Variants in CTNNBL1 observed in about 807,000 individuals in gnomAD.
CTNNBL1 encodes catenin beta like 1, also known as beta-catenin-like protein 1.
Under a neutral mutation model 72.7 loss-of-function variants are expected in CTNNBL1, and 31 were observed. The ratio of observed to expected loss-of-function variants is 0.43; its 90% CI spans 0.32 to 0.58. CTNNBL1 has a LOEUF of 0.58. Among genes scored for constraint, CTNNBL1 ranks in the 20% least tolerant of loss-of-function variants. The pLI is 0.08. For synonymous variants in CTNNBL1, 240 were observed against 267.3 expected (o/e 0.90, Z 1.00); for missense variants, 534 against 725.1 (o/e 0.74, Z 3.03).
chr20:37,713,160 C>T (rs1044372226), intron 1 of CTNNBL1, among the ~76,000 whole-genome samples: 1 of 152,174 alleles, frequency 6.6e-6, no homozygotes, highest in Non-Finnish European at 1.5e-5. Flanking sequence ...TCCCACAAAA[C>T]TTGCAAGGAC....
intron 11 of CTNNBL1, among the ~76,000 whole-genome samples, chr20:37,820,019 C>A (rs1049631416): frequency 1.4e-4 from 22 of 151,876 alleles, no homozygotes; most frequent in Admixed American, 6.6e-5. Flanking sequence ...GGACTATAAG[C>A]ACGCACCATC....
At chr20:37,853,084 CT>C (rs2072410879) in intron 13 of CTNNBL1, among the ~76,000 whole-genome samples, 1 of 152,188 alleles carries the variant, frequency 6.6e-6, no homozygotes, top group African/African-American at 2.4e-5. Flanking sequence ...CAAGGGGAAG[CT>C]GGGTGCCTTC....
intron 10 of CTNNBL1, among the ~76,000 whole-genome samples, chr20:37,788,283 C>T (rs1166625717): frequency 6.6e-6 from 1 of 152,152 alleles, no homozygotes; most frequent in Non-Finnish European, 1.5e-5. Flanking sequence ...AGTCTTCTTC[C>T]TCTGTATCTC....
chr20:37,695,426 C>A (rs550291729), intron 1 of CTNNBL1, among the ~76,000 whole-genome samples: 20 of 152,218 alleles, frequency 1.3e-4, no homozygotes, highest in African/African-American at 4.3e-4. Context: ...AACTCCTAGC[C>A]TCAAGCAGTC....
chr20:37,787,835 ATTCT>A (rs887966177), intron 10 of CTNNBL1, among the ~76,000 whole-genome samples: 152 of 151,882 alleles, frequency 1.0e-3, no homozygotes, highest in African/African-American at 3.6e-3. Context: ...GGAAAATACT[ATTCT>A]TTCTATTAGT....
At chr20:37,849,629 G>A (rs1054725075) in intron 13 of CTNNBL1, among the ~76,000 whole-genome samples, 1 of 152,224 alleles carries the variant, frequency 6.6e-6, no homozygotes, top group Non-Finnish European at 1.5e-5. Context: ...TTGAGTGTCT[G>A]TCATATACTA....
chr20:37,735,831 C>T (rs748955055), intron 2 of CTNNBL1, among the ~76,000 whole-genome samples: 2 of 152,180 alleles, frequency 1.3e-5, no homozygotes, highest in Non-Finnish European at 2.9e-5. Flanking sequence ...CCAAAAGGAT[C>T]TATTTCAGGT....
chr20:37,699,871 T>C (rs1216050503), intron 1 of CTNNBL1, among the ~76,000 whole-genome samples: 1 of 152,194 alleles, frequency 6.6e-6, no homozygotes, highest in Admixed American at 6.5e-5. Flanking sequence ...TTGTGGGCAT[T>C]GGTTTGCAGA....
chr20:37,864,806 C>T (rs1422028925), intron 15 of CTNNBL1, among the ~76,000 whole-genome samples: 1 of 137,606 alleles, frequency 7.3e-6, no homozygotes, highest in Non-Finnish European at 1.6e-5. Flanking sequence ...GACTGGGGTG[C>T]GTGCTGAGGT....
chr20:37,728,115 C>T (rs943929217), intron 1 of CTNNBL1, among the ~76,000 whole-genome samples: 1 of 152,094 alleles, frequency 6.6e-6, no homozygotes. Flanking sequence ...GATGGAAATC[C>T]CCTAGGCCTG....
At chr20:37,718,859 A>G (rs2073016790) in intron 1 of CTNNBL1, among the ~76,000 whole-genome samples, 1 of 152,212 alleles carries the variant, frequency 6.6e-6, no homozygotes, top group Non-Finnish European at 1.5e-5. Context: ...TGCCTTGAAG[A>G]TGATAATTTC....
At chr20:37,758,623 G>C (rs541390529) in intron 5 of CTNNBL1, among the ~76,000 whole-genome samples, 1 of 152,230 alleles carries the variant, frequency 6.6e-6, no homozygotes, top group South Asian at 2.1e-4. Context: ...AGTGCATCTA[G>C]TCCAGCCCCT....
In CTNNBL1 at chr20:37,694,083, G is replaced by A; in HGVS notation, c.-40G>A. 3 of 1,598,710 alleles carry A rather than the reference G, an allele frequency of 1.9e-6. No homozygotes were observed. The highest frequency in any genetic ancestry group is 1.7e-6 in the Non-Finnish European group (2 of 1,173,880). On this transcript the variant is annotated 5_prime_UTR_variant, in exon 1 of 16. It adds an upstream start codon to the 5' untranslated region. Transcript: ENST00000361383. The stretch of plus-strand genomic sequence containing the variant: ...CGGCTGACGGGCCCGCGGTCTGGGC[G>A]TGAGTGCAGGGAAGTGGAGTATTTG...
chr20:37,761,981 G>A, intron 5 of CTNNBL1, among the ~76,000 whole-genome samples: 1 of 152,348 alleles, frequency 6.6e-6, no homozygotes, highest in Admixed American at 6.5e-5. Flanking sequence ...AGACCACGCT[G>A]GGCTCTGTGG....
At chr20:37,831,990 G>A (rs1449624537) in intron 11 of CTNNBL1, among the ~76,000 whole-genome samples, 2 of 152,200 alleles carry the variant, frequency 1.3e-5, no homozygotes, top group Non-Finnish European at 2.9e-5. Flanking sequence ...TCTCTACTTA[G>A]ATGTGCTGTG....
chr20:37,750,348 GGA>G lies in CTNNBL1; in HGVS notation c.466+3743_466+3744del, dbSNP rs1233503779. 2.0e-5 allele frequency: 3 copies of G among 152,226 alleles called. No individual in the cohort carries two copies. The East Asian group carries it at 5.8e-4, about 29-fold the overall frequency. The allele number at this position is 152,226 out of a possible 1,614,324, so 9.4% of individuals were successfully genotyped here. ...GGGAGCACACACCTCACATGGTTTTGGAGGGTTACTCTAAATGCAGTCGGAGG... is the reference window on the plus strand; with the variant it reads ...GGGAGCACACACCTCACATGGTTTTGGGGTTACTCTAAATGCAGTCGGAGG... On this transcript the variant is annotated intron_variant, in intron 4 of 15. Transcript: ENST00000361383.
At chr20:37,842,736 C>T (rs1300678021) in intron 13 of CTNNBL1, among the ~76,000 whole-genome samples, 1 of 152,146 alleles carries the variant, frequency 6.6e-6, no homozygotes, top group African/African-American at 2.4e-5. Flanking sequence ...ACCATGTTGG[C>T]AGAGCATGTC....
chr20:37,833,695 T>C (rs1271416613), intron 11 of CTNNBL1, among the ~76,000 whole-genome samples: 1 of 152,122 alleles, frequency 6.6e-6, no homozygotes, highest in Non-Finnish European at 1.5e-5. Flanking sequence ...TCCATAACCA[T>C]CCTTCACCTC....
chr20:37,709,563 T>C (rs774104372), intron 1 of CTNNBL1, among the ~76,000 whole-genome samples: 6 of 152,184 alleles, frequency 3.9e-5, no homozygotes, highest in Non-Finnish European at 7.3e-5. Context: ...AATGCTTCCA[T>C]AATAGGATTA....
Sources: gnomAD v4.1 joint callset for allele counts (sites outside exome capture counted in the v4.1 genomes callset) on GRCh38, gnomAD v4.1.1 for gene constraint, MANE v1.5 for transcripts, NCBI Gene and HGNC (gene_info 2026-07-23, HGNC 2026-07-21) for gene names.